CNOT10: variants seen among roughly 807,000 people sequenced by gnomAD.
CNOT10 encodes CCR4-NOT transcription complex subunit 10.
A neutral mutation model predicts 94.6 loss-of-function variants in CNOT10; 30 were observed. The ratio of observed to expected loss-of-function variants is 0.32; its 90% CI spans 0.24 to 0.43. The LOEUF is 0.43. Ranked by LOEUF, CNOT10 falls within the 20% of genes least tolerant of loss-of-function variation. CNOT10 has a pLI of 1.00. For missense variants in CNOT10, 759 were observed against 877.2 expected (o/e 0.87, Z 1.70); for synonymous variants, 289 against 301.6 (o/e 0.96, Z 0.43).
intron 7 of CNOT10, among the ~76,000 whole-genome samples, chr3:32,719,119 T>A (rs534306097): frequency 6.6e-6 from 1 of 152,144 alleles, no homozygotes; most frequent in Admixed American, 6.5e-5. Flanking sequence ...TGTGGTGGCA[T>A]GCGCCTGTAA....
intron 13 of CNOT10, among the ~76,000 whole-genome samples, chr3:32,739,519 CT>C (rs112765362): frequency 0.061 from 9,307 of 151,856 alleles, 330 homozygotes; most frequent in African/African-American, 0.09. Context: ...TCCATAGTGT[CT>C]TTTTTTTCAA....
At chr3:32,724,693 T>A (rs1260754018) in intron 8 of CNOT10, among the ~76,000 whole-genome samples, 1 of 152,130 alleles carries the variant, frequency 6.6e-6, no homozygotes, top group Non-Finnish European at 1.5e-5. Flanking sequence ...ATTACAGGCG[T>A]GAGCCACTGC....
At chr3:32,753,501 G>C (rs1027609577) in intron 13 of CNOT10, 3 of 1,566,864 alleles carry the variant, frequency 1.9e-6, no homozygotes, top group Non-Finnish European at 2.6e-6. Context: ...TACCAGAACA[G>C]AGCACATTTA....
intron 17 of CNOT10, 127 bp downstream of exon 17, chr3:32,764,936 A>G: frequency 6.7e-7 from 1 of 1,501,344 alleles, no homozygotes; most frequent in Non-Finnish European, 8.9e-7. Context: ...ACTTTCCCAG[A>G]TATAAAAATA....
At chr3:32,721,807 C>T (rs1575239665) in intron 8 of CNOT10, among the ~76,000 whole-genome samples, 1 of 151,564 alleles carries the variant, frequency 6.6e-6, no homozygotes, top group Non-Finnish European at 1.5e-5. Flanking sequence ...CCACCGCGCC[C>T]GGCTAATTTT....
At chr3:32,701,883 C>T (rs1697366300) in intron 1 of CNOT10, among the ~76,000 whole-genome samples, 1 of 152,186 alleles carries the variant, frequency 6.6e-6, no homozygotes, top group South Asian at 2.1e-4. Context: ...AGTTCTGCCT[C>T]CCGGGTTCAC....
At chr3:32,720,311 A>G (rs1698312591) in intron 8 of CNOT10, 80 bp downstream of exon 8, 1 of 583,078 alleles carries the variant, frequency 1.7e-6, no homozygotes, top group Admixed American at 2.4e-5. Context: ...CCCAACACCC[A>G]GTCTTTTGAG....
chr3:32,767,050 G>A (rs989039742), intron 17 of CNOT10, among the ~76,000 whole-genome samples: 2 of 152,172 alleles, frequency 1.3e-5, no homozygotes, highest in African/African-American at 4.8e-5. Context: ...TTGCAGTTAG[G>A]AGACACCTTC....
intron 1 of CNOT10, 117 bp from the exon 2 acceptor site, chr3:32,703,751 T>C: frequency 1.5e-6 from 1 of 655,162 alleles, no homozygotes; most frequent in South Asian, 1.9e-5. Context: ...GAATTTTCCA[T>C]CTGATATTTT....
chr3:32,754,868 G>C (rs1160563834), intron 13 of CNOT10, among the ~76,000 whole-genome samples: 1 of 150,638 alleles, frequency 6.6e-6, no homozygotes, highest in African/African-American at 2.4e-5. Flanking sequence ...TACTGCCTGT[G>C]GGGTAGCCCT....
chr3:32,698,042 C>T (rs1465351582), intron 1 of CNOT10, among the ~76,000 whole-genome samples: 1 of 152,188 alleles, frequency 6.6e-6, no homozygotes, highest in Non-Finnish European at 1.5e-5. Flanking sequence ...CACATTTTTA[C>T]ACGTTTTAAA....
In CNOT10 at chr3:32,691,163, T is replaced by A. The variant is rs1002804181; in HGVS notation, c.22+5681T>A. 1.7e-3 allele frequency among the ~76,000 whole-genome samples: 247 copies of A among 146,686 alleles called. 2 individuals carry two copies. Among genetic ancestry groups the A allele is most frequent in the African/African-American group, 5.9e-3 (233 of 39,750 alleles). On this transcript the variant is annotated intron_variant, in intron 1 of 18. Coordinates refer to ENST00000328834, the MANE Select transcript of CNOT10 (RefSeq NM_015442.3). ...GGCACACGCTACCACAGCCAGCTTT[T>A]TTTTTTTTTTTTTTTTGAGATGGAA...
chr3:32,698,344 TA>T (rs1351414254), intron 1 of CNOT10, among the ~76,000 whole-genome samples: 2 of 152,200 alleles, frequency 1.3e-5, no homozygotes, highest in African/African-American at 4.8e-5. Context: ...ATACAGCAGA[TA>T]AGTTCTTAGA....
chr3:32,705,239 C>G (rs1349173397), intron 3 of CNOT10, among the ~76,000 whole-genome samples: 1 of 151,696 alleles, frequency 6.6e-6, no homozygotes, highest in African/African-American at 2.4e-5. Flanking sequence ...TGAGAAAGAA[C>G]TATATGAAGA....
At position 32,703,906 on chromosome 3, in the gene CNOT10, TCTGGGATCA is replaced by T. The variant is rs775923795; in HGVS notation, c.65_73del (p.Gly22_Thr24del). On this transcript the variant is annotated inframe_deletion, in exon 2 of 19. Coordinates refer to ENST00000328834, the MANE Select transcript of CNOT10 (RefSeq NM_015442.3). ...GAAACATGAAGGCACAGGTCAGTCC[TCTGGGATCA>T]CTGATCAAGAGAAGGAGTTATCCAC... 8.1e-6 allele frequency: 13 copies of T among 1,613,822 alleles called. No individual in the cohort carries two copies. Among genetic ancestry groups the T allele is most frequent in the Non-Finnish European group, 1.1e-5 (13 of 1,179,868 alleles).
chr3:32,737,754 C>T (rs1699254739), intron 13 of CNOT10, among the ~76,000 whole-genome samples: 1 of 151,738 alleles, frequency 6.6e-6, no homozygotes, highest in Non-Finnish European at 1.5e-5. Flanking sequence ...ACCCGGGAGG[C>T]GGAGGTTGCA....
intron 13 of CNOT10, among the ~76,000 whole-genome samples, chr3:32,752,417 G>A (rs551681616): frequency 1.3e-5 from 2 of 152,268 alleles, no homozygotes; most frequent in Non-Finnish European, 2.9e-5. Context: ...AATTGGTTTA[G>A]GTGATCTTAA....
At chr3:32,713,427 G>T in intron 5 of CNOT10, 58 bp downstream of exon 5, 1 of 1,360,552 alleles carries the variant, frequency 7.3e-7, no homozygotes. Flanking sequence ...CTCTCTACTT[G>T]TTGGTTTACT....
intron 10 of CNOT10, among the ~76,000 whole-genome samples, chr3:32,729,150 C>T (rs1698823760): frequency 6.6e-6 from 1 of 152,152 alleles, no homozygotes; most frequent in African/African-American, 2.4e-5. Context: ...GGATTTCCAT[C>T]AATGCCTGAG....
Sources: allele counts gnomAD v4.1 joint callset (sites outside exome capture counted in the v4.1 genomes callset), GRCh38; gene constraint gnomAD v4.1.1; transcripts MANE v1.5; gene names NCBI Gene and HGNC (gene_info 2026-07-23, HGNC 2026-07-21).